The following TRPC4 variants were observed in gnomAD, a reference collection of about 807,000 sequenced individuals.
TRPC4 encodes short transient receptor potential channel 4.
A neutral mutation model predicts 99.4 loss-of-function variants in TRPC4; 49 were observed. That is an observed-to-expected ratio of 0.49 (90% CI 0.39 to 0.63). The LOEUF is 0.63. Ranked by LOEUF, TRPC4 falls within the 20% of genes least tolerant of loss-of-function variation. TRPC4 has a pLI of 0.00. For synonymous variants in TRPC4, 454 were observed against 425.9 expected, an observed-to-expected ratio of 1.07 and a Z score of -0.81; for missense variants, 898 against 1,152.9, an observed-to-expected ratio of 0.78 and a Z score of 3.20.
intron 1 of TRPC4, among the ~76,000 whole-genome samples, chr13:37,801,795 T>A (rs1957409318): frequency 7.1e-6 from 1 of 140,810 alleles, no homozygotes; most frequent in South Asian, 2.3e-4. Context: ...TTATAGACAC[T>A]CAAAAAGGCT....
intron 1 of TRPC4, among the ~76,000 whole-genome samples, chr13:37,824,617 T>G (rs1958141603): frequency 6.6e-6 from 1 of 152,112 alleles, no homozygotes; most frequent in Admixed American, 6.6e-5. Flanking sequence ...ATCCCAGGGA[T>G]GAAGCCCACT....
At chr13:37,828,189 A>G (rs928521633) in intron 1 of TRPC4, among the ~76,000 whole-genome samples, 1 of 152,294 alleles carries the variant, frequency 6.6e-6, no homozygotes, top group African/African-American at 2.4e-5. Flanking sequence ...CCCTAGTGAG[A>G]TGAACCCGGT....
chr13:37,814,871 A>C (rs1957801635), intron 1 of TRPC4, among the ~76,000 whole-genome samples: 1 of 151,852 alleles, frequency 6.6e-6, no homozygotes, highest in Non-Finnish European at 1.5e-5. Flanking sequence ...CAGACAAGCC[A>C]AAACAATCTG....
At chr13:37,697,891 A>G (rs1953966218) in intron 3 of TRPC4, among the ~76,000 whole-genome samples, 1 of 152,180 alleles carries the variant, frequency 6.6e-6, no homozygotes, top group Admixed American at 6.5e-5. Flanking sequence ...GTGTAAATAT[A>G]TATTCCAATG....
chr13:37,799,315 C>T (rs1957337025), intron 1 of TRPC4, among the ~76,000 whole-genome samples: 1 of 152,126 alleles, frequency 6.6e-6, no homozygotes, highest in African/African-American at 2.4e-5. Context: ...GCCCAACTTG[C>T]CCGTTACTAA....
rs143742857 is a variant in TRPC4, at chr13:37,786,451, C to T, written c.-27-3091G>A. ...GGCTTGTCCTTGATTACTTGAGATGCGGGGATACTAACTGGAGGACAAAAA... is the reference window on the plus strand; with the variant it reads ...GGCTTGTCCTTGATTACTTGAGATGTGGGGATACTAACTGGAGGACAAAAA... On this transcript the variant is annotated intron_variant, in intron 1 of 10. Transcript: ENST00000379705. 2.7e-3 allele frequency among the ~76,000 whole-genome samples: 404 copies of T among 151,806 alleles called. 2 individuals carry two copies. The highest frequency in any genetic ancestry group is 9.0e-3 in the African/African-American group (375 of 41,442).
In TRPC4 at chr13:37,746,538, T is replaced by G. The variant is rs1227617466; in HGVS notation, c.379-83A>C. Reference sequence around the variant, plus strand: ...TTTCATACACCATGCTATAGCAATATGGAACAGGGTTTATATGTCCTTGGC... The same window carrying G: ...TTTCATACACCATGCTATAGCAATAGGGAACAGGGTTTATATGTCCTTGGC... On this transcript the variant is annotated intron_variant, in intron 2 of 10. Transcript: ENST00000379705. 6.2e-6 allele frequency: 9 copies of G among 1,440,554 alleles called. No individual in the cohort carries two copies. In the African/African-American group the frequency reaches 8.7e-5, roughly 14 times the overall value. 89.2% of individuals were successfully genotyped at this position (1,440,554 alleles called of 1,614,324 possible).
chr13:37,635,560 C>T lies in TRPC4; in HGVS notation c.*1343G>A, dbSNP rs1171580160. On this transcript the variant is annotated 3_prime_UTR_variant, in exon 11 of 11. Transcript: ENST00000379705. The stretch of plus-strand genomic sequence containing the variant: ...TAAATCACATGCAATTTCTGAGGTT[C>T]GCAGAGTAATTTTTGAAATAAAATG... Among the ~76,000 whole-genome samples, 5 of 152,112 alleles carry T rather than the reference C, an allele frequency of 3.3e-5. No homozygotes were observed. In the East Asian group the frequency reaches 7.7e-4, roughly 23 times the overall value.
chr13:37,638,283 T>A (rs915372489), intron 10 of TRPC4, among the ~76,000 whole-genome samples: 1 of 152,118 alleles, frequency 6.6e-6, no homozygotes, highest in Non-Finnish European at 1.5e-5. Flanking sequence ...TCATTTAATA[T>A]TACAATTTGA....
chr13:37,822,162 A>G (rs1958031804), intron 1 of TRPC4, among the ~76,000 whole-genome samples: 1 of 152,216 alleles, frequency 6.6e-6, no homozygotes, highest in African/African-American at 2.4e-5. Context: ...ACTTTTCCAA[A>G]GAAGACATAC....
chr13:37,860,244 A>C (rs1959226173), intron 1 of TRPC4, among the ~76,000 whole-genome samples: 1 of 151,466 alleles, frequency 6.6e-6, no homozygotes, highest in African/African-American at 2.4e-5. Context: ...GTTATTTTAG[A>C]CAGGACATTT....
At chr13:37,652,066 A>G (rs1333430747) in intron 7 of TRPC4, among the ~76,000 whole-genome samples, 2 of 152,234 alleles carry the variant, frequency 1.3e-5, no homozygotes, top group African/African-American at 2.4e-5. Flanking sequence ...AAAGAGGAGT[A>G]TGGCCAGTGG....
At chr13:37,794,462 A>T (rs1437487597) in intron 1 of TRPC4, among the ~76,000 whole-genome samples, 9 of 152,114 alleles carry the variant, frequency 5.9e-5, no homozygotes, top group Non-Finnish European at 1.3e-4. Flanking sequence ...TACTTATCCA[A>T]AGATTAAATA....
chr13:37,829,707 G>A (rs567405176), intron 1 of TRPC4, among the ~76,000 whole-genome samples: 1 of 152,226 alleles, frequency 6.6e-6, no homozygotes, highest in East Asian at 1.9e-4. Flanking sequence ...GTTTATAGTA[G>A]CACTGTTCAT....
intron 4 of TRPC4, among the ~76,000 whole-genome samples, chr13:37,691,200 C>T (rs1380154270): frequency 6.6e-6 from 1 of 152,046 alleles, no homozygotes; most frequent in African/African-American, 2.4e-5. Flanking sequence ...CTCCCGGGTT[C>T]ACGTCATTCT....
chr13:37,723,860 C>CT (rs1566122406), intron 3 of TRPC4, among the ~76,000 whole-genome samples: 5 of 152,104 alleles, frequency 3.3e-5, no homozygotes, highest in African/African-American at 1.2e-4. Flanking sequence ...TGGCTGTTAT[C>CT]TTTTTAATAC....
intron 3 of TRPC4, among the ~76,000 whole-genome samples, chr13:37,737,218 A>C (rs1955423892): frequency 7.1e-6 from 1 of 140,660 alleles, no homozygotes; most frequent in Non-Finnish European, 1.6e-5. Flanking sequence ...AGGAACAGAC[A>C]AAAAATAGTA....
At chr13:37,862,247 G>A (rs959345279) in intron 1 of TRPC4, among the ~76,000 whole-genome samples, 1 of 150,850 alleles carries the variant, frequency 6.6e-6, no homozygotes, top group Non-Finnish European at 1.5e-5. Flanking sequence ...GCCTTCTTAG[G>A]TTTGCTTCAT....
chr13:37,718,697 G>A (rs1954758256), intron 3 of TRPC4, among the ~76,000 whole-genome samples: 1 of 151,908 alleles, frequency 6.6e-6, no homozygotes, highest in Non-Finnish European at 1.5e-5. Flanking sequence ...AGTAAGACAA[G>A]CCAAACACAA....
Sources: allele counts gnomAD v4.1 joint callset (sites outside exome capture counted in the v4.1 genomes callset), GRCh38; gene constraint gnomAD v4.1.1; transcripts MANE v1.5; gene names NCBI Gene and HGNC (gene_info 2026-07-23, HGNC 2026-07-21).